CORO2B: variants seen among roughly 807,000 people sequenced by gnomAD.
CORO2B encodes coronin-2B.
A neutral mutation model predicts 58.8 loss-of-function variants in CORO2B; 26 were observed. The ratio of observed to expected loss-of-function variants is 0.44; its 90% confidence interval spans 0.32 to 0.61. The LOEUF (loss-of-function observed/expected upper bound fraction) is 0.61. Among genes scored for constraint, CORO2B ranks in the 20% least tolerant of loss-of-function variants. The pLI, the probability that CORO2B is intolerant of heterozygous loss-of-function variation, is 0.04. For synonymous variants in CORO2B, 242 were observed against 253.8 expected (o/e 0.95, Z 0.44); for missense variants, 460 against 645.1 (o/e 0.71, Z 3.11).
chr15:68,718,288 G>T (rs1454848668), intron 8 of CORO2B, among the ~76,000 whole-genome samples: 5 of 152,212 alleles, frequency 3.3e-5, no homozygotes, highest in African/African-American at 9.7e-5. Flanking sequence ...AGACACAGGA[G>T]GCTTAGGGAT....
At chr15:68,568,816 T>G in the CORO2B span, among the ~76,000 whole-genome samples, 1 of 152,090 alleles carries the variant, frequency 6.6e-6, no homozygotes, top group Non-Finnish European at 1.5e-5. Context: ...CAACACACAC[T>G]GGGGCCTGCC....
In CORO2B at chr15:68,715,255, A is replaced by T. The variant is rs1431645483; in HGVS notation, c.911A>T (p.Lys304Met). The T allele has an allele frequency of 1.2e-6, 2 of 1,614,060 alleles. No individual in the cohort carries two copies. The change falls in exon 8 of 12, where the codon AAG (lysine) becomes ATG (methionine). Residue 304 changes from lysine (K) to methionine (M), a missense_variant. This residue lies in a region of CORO2B where 352 missense variants were observed against 543.0 expected (regional missense o/e 0.65). Transcript: ENST00000261861. ...NIRYYEISTE[K>M]PYLSYLMEFR... is the part of the protein sequence containing the mutation. The stretch of plus-strand genomic sequence containing the variant: ...CGGTACTACGAGATCAGCACTGAGA[A>T]GCCCTACCTGAGTTACCTCATGGAG...
At chr15:68,611,093 T>A (rs553227071) in intron 1 of CORO2B, among the ~76,000 whole-genome samples, 2 of 152,332 alleles carry the variant, frequency 1.3e-5, no homozygotes, top group Admixed American at 1.3e-4. Flanking sequence ...GCCCCACCAC[T>A]GAGCCACTGA....
Position 68,682,040 on chromosome 15 carries a change from C to T in CORO2B, c.217-13100C>T, listed in dbSNP as rs547557069. Among the ~76,000 whole-genome samples, 26 of 152,200 alleles carry T rather than the reference C, an allele frequency of 1.7e-4. 1 individual carries two copies. The highest frequency in any genetic ancestry group is 1.6e-3 in the Admixed American group (25 of 15,290). On this transcript the variant is annotated intron_variant, in intron 2 of 11. Transcript: ENST00000261861. The stretch of plus-strand genomic sequence containing the variant: ...TGGGTAGGAGTCTGATTGGCCAAAC[C>T]CAGTCCCATGCCCCGTCCCTGGATA...
intron 11 of CORO2B, among the ~76,000 whole-genome samples, chr15:68,720,279 G>A (rs1219159470): frequency 1.3e-5 from 2 of 152,208 alleles, no homozygotes; most frequent in Admixed American, 1.3e-4. Context: ...TGGTAAAATA[G>A]GGATATGGAA....
chr15:68,706,593 C>A (rs926432400), intron 3 of CORO2B, among the ~76,000 whole-genome samples: 2 of 152,216 alleles, frequency 1.3e-5, no homozygotes, highest in African/African-American at 2.4e-5. Context: ...TGAGACATCC[C>A]TAGACAGAAT....
At chr15:68,602,283 A>AT (rs534584846) in intron 1 of CORO2B, among the ~76,000 whole-genome samples, 19 of 151,850 alleles carry the variant, frequency 1.3e-4, no homozygotes, top group Non-Finnish European at 2.6e-4. Context: ...TCTGACATGT[A>AT]TTTTTTTGAT....
intron 1 of CORO2B, among the ~76,000 whole-genome samples, chr15:68,588,672 G>A (rs1899627112): frequency 6.6e-6 from 1 of 152,198 alleles, no homozygotes; most frequent in African/African-American, 2.4e-5. Context: ...GAAAGGAATA[G>A]CCTCTACTAG....
intron 2 of CORO2B, among the ~76,000 whole-genome samples, chr15:68,670,469 C>T (rs1902354908): frequency 2.0e-5 from 3 of 152,130 alleles, no homozygotes; most frequent in Admixed American, 6.5e-5. Flanking sequence ...CATGAGCCAT[C>T]GCGCCCAGCC....
At chr15:68,574,293 G>A (rs371494805), upstream of CORO2B, among the ~76,000 whole-genome samples, 62 of 152,302 alleles carry the variant, frequency 4.1e-4, no homozygotes, top group Non-Finnish European at 6.8e-4. Context: ...TGGGCATGCC[G>A]CCTGGGGTGG....
At chr15:68,643,717 G>T (rs1901329910) in intron 1 of CORO2B, among the ~76,000 whole-genome samples, 1 of 152,202 alleles carries the variant, frequency 6.6e-6, no homozygotes, top group Non-Finnish European at 1.5e-5. Context: ...AGAGGAGTTT[G>T]TGAATTAGCT....
the CORO2B span, among the ~76,000 whole-genome samples, chr15:68,552,206 G>T: frequency 2.6e-5 from 4 of 152,134 alleles, no homozygotes; most frequent in Non-Finnish European, 5.9e-5. Flanking sequence ...GGGTACTTTA[G>T]TACAAATGGA....
intron 2 of CORO2B, among the ~76,000 whole-genome samples, chr15:68,680,712 T>A (rs1307371662): frequency 6.6e-6 from 1 of 152,234 alleles, no homozygotes; most frequent in African/African-American, 2.4e-5. Flanking sequence ...GACTAAGGGT[T>A]GCATCCTGGC....
intron 2 of CORO2B, among the ~76,000 whole-genome samples, chr15:68,672,075 C>T (rs1256716090): frequency 6.6e-6 from 1 of 151,972 alleles, no homozygotes; most frequent in Non-Finnish European, 1.5e-5. Flanking sequence ...AAAGATCCCA[C>T]TCCACTTGTT....
At chr15:68,546,736 T>C in the CORO2B span, among the ~76,000 whole-genome samples, 7 of 152,234 alleles carry the variant, frequency 4.6e-5, no homozygotes, top group Non-Finnish European at 1.0e-4. Flanking sequence ...TGATCCTGCC[T>C]TCTACCTGCC....
upstream of CORO2B, among the ~76,000 whole-genome samples, chr15:68,577,491 A>G (rs913766899): frequency 1.3e-5 from 2 of 152,112 alleles, no homozygotes; most frequent in African/African-American, 2.4e-5. Context: ...TGGGAGGCCG[A>G]GGCGGGTGGA....
intron 1 of CORO2B, among the ~76,000 whole-genome samples, chr15:68,589,078 G>A (rs1899637418): frequency 6.6e-6 from 1 of 152,200 alleles, no homozygotes; most frequent in Non-Finnish European, 1.5e-5. Flanking sequence ...ACAAACTCAA[G>A]TTATTATGGA....
At chr15:68,621,007 T>C (rs188532071) in intron 1 of CORO2B, among the ~76,000 whole-genome samples, 52 of 152,326 alleles carry the variant, frequency 3.4e-4, no homozygotes, top group Middle Eastern at 3.4e-3. Context: ...GCTATTACTT[T>C]CTGAAGGAGC....
At chr15:68,575,577 G>GCCCCCCA (rs78111726), upstream of CORO2B, among the ~76,000 whole-genome samples, 1 of 38,752 alleles carries the variant, frequency 2.6e-5, no homozygotes, top group Non-Finnish European at 5.7e-5. Flanking sequence ...CTTGTGATCT[G>GCCCCCCA]CCCCCGCCTC....
Sources: allele counts gnomAD v4.1 joint callset (sites outside exome capture counted in the v4.1 genomes callset), GRCh38; gene constraint gnomAD v4.1.1; regional missense constraint gnomAD v4.1.1; transcripts MANE v1.5; gene names NCBI Gene and HGNC (gene_info 2026-07-23, HGNC 2026-07-21).